COL21A1: variants seen among roughly 807,000 people sequenced by gnomAD.
The protein encoded by COL21A1 is collagen alpha-1(XXI) chain.
In COL21A1, 149 loss-of-function variants were observed where a neutral mutation model predicts 137.9. That is an observed-to-expected ratio of 1.08 (90% CI 0.95 to 1.24). The LOEUF is 1.24. COL21A1 is among the 50% of genes most tolerant of loss of function. COL21A1 has a pLI of 0.00. For missense variants in COL21A1, 1,167 were observed against 1,158.4 expected (o/e 1.01, Z -0.11); for synonymous variants, 456 against 391.5 (o/e 1.16, Z -1.95).
Position 56,184,398 on chromosome 6 carries a change from G to T in COL21A1, c.-38-1742C>A, listed in dbSNP as rs542404723. 3.3e-5 allele frequency among the ~76,000 whole-genome samples: 5 copies of T among 151,734 alleles called. No individual in the cohort carries two copies. In the South Asian group the frequency reaches 1.0e-3, roughly 32 times the overall value. ...AAGAGATAAAAATCCTAAATGTGTAGACATCTAATATTAAAGCTTCTAAAT... is the reference window on the plus strand; with the variant it reads ...AAGAGATAAAAATCCTAAATGTGTATACATCTAATATTAAAGCTTCTAAAT... On this transcript the variant is annotated intron_variant, in intron 1 of 29. Transcript: ENST00000244728.
At chr6:56,181,634 C>A (rs2152282308) in intron 2 of COL21A1, among the ~76,000 whole-genome samples, 1 of 152,190 alleles carries the variant, frequency 6.6e-6, no homozygotes, top group Admixed American at 6.5e-5. Flanking sequence ...ACAGCATGGG[C>A]ATACAAGCAA....
intron 1 of COL21A1, among the ~76,000 whole-genome samples, chr6:56,193,063 AG>A (rs1778798408): frequency 6.6e-6 from 1 of 152,182 alleles, no homozygotes; most frequent in Non-Finnish European, 1.5e-5. Context: ...AACTATTCCA[AG>A]AACAGAAAAT....
chr6:56,177,639 G>GA (rs1182177303), intron 3 of COL21A1, among the ~76,000 whole-genome samples: 1 of 151,570 alleles, frequency 6.6e-6, no homozygotes, highest in Non-Finnish European at 1.5e-5. Context: ...CTAAAAAATA[G>GA]AAAAAATTAG....
intron 1 of COL21A1, among the ~76,000 whole-genome samples, chr6:56,267,629 G>A (rs1292933289): frequency 4.6e-5 from 7 of 151,944 alleles, no homozygotes; most frequent in East Asian, 3.9e-4. Context: ...GGTGGCAGGC[G>A]CCTGTAATCC....
At chr6:56,058,268 A>T (rs1328238692) in intron 29 of COL21A1, among the ~76,000 whole-genome samples, 1 of 152,172 alleles carries the variant, frequency 6.6e-6, no homozygotes, top group East Asian at 1.9e-4. Context: ...TGTTTCTATT[A>T]TACATATTTT....
At chr6:56,092,640 CA>C (rs1484973572) in intron 17 of COL21A1, among the ~76,000 whole-genome samples, 3 of 151,928 alleles carry the variant, frequency 2.0e-5, no homozygotes, top group African/African-American at 7.3e-5. Context: ...TGCTGAAGCC[CA>C]AATATTTTTG....
intron 1 of COL21A1, among the ~76,000 whole-genome samples, chr6:56,336,363 G>A (rs535507931): frequency 3.9e-5 from 6 of 152,298 alleles, no homozygotes; most frequent in South Asian, 4.1e-4. Flanking sequence ...TAACTTAACC[G>A]AAGATATGGA....
At chr6:56,292,391 A>ACCCCCCCCCCCCCCC (rs35462264) in intron 1 of COL21A1, among the ~76,000 whole-genome samples, 1 of 125,234 alleles carries the variant, frequency 8.0e-6, no homozygotes, top group African/African-American at 2.9e-5. Context: ...CAAAACAGGG[A>ACCCCCCCCCCCCCCC]CCCCCCCCCT....
chr6:56,269,036 A>G (rs2152332045), intron 1 of COL21A1, among the ~76,000 whole-genome samples: 1 of 152,382 alleles, frequency 6.6e-6, no homozygotes, highest in East Asian at 1.9e-4. Context: ...CTCAAAGACC[A>G]GTTCTTCAAA....
Position 56,126,142 on chromosome 6 carries a change from C to T in COL21A1, c.1550G>A (p.Arg517His), listed in dbSNP as rs143185782. 1.5e-5 allele frequency: 23 copies of T among 1,544,970 alleles called. 1 individual carries two copies. Among genetic ancestry groups the T allele is most frequent in the Middle Eastern group, 1.7e-4 (1 of 5,978 alleles). ...AAGCCCAGGAAAACCAGGAAGTCCA[C>T]GATCACCCTGAAAATAAAACTGAAA... Reference protein sequence around the residue: ...EPGRDGDKGDRGLPGFPGLHG... With the variant: ...EPGRDGDKGDHGLPGFPGLHG... The change falls in exon 13 of 30, where the codon CGT becomes CAT. Residue 517 changes from arginine to histidine, a missense_variant. Coordinates refer to ENST00000244728, the MANE Select transcript of COL21A1 (RefSeq NM_030820.4).
intron 21 of COL21A1, among the ~76,000 whole-genome samples, chr6:56,070,266 A>G (rs1766627543): frequency 6.6e-6 from 1 of 151,548 alleles, no homozygotes; most frequent in South Asian, 2.1e-4. Context: ...CCTAGCCATC[A>G]AATCATTCTC....
intron 1 of COL21A1, among the ~76,000 whole-genome samples, chr6:56,340,630 C>G (rs375552666): frequency 2.4e-4 from 37 of 152,262 alleles, no homozygotes; most frequent in African/African-American, 8.9e-4. Flanking sequence ...TTCAGAGATT[C>G]TCTGTTGGCT....
chr6:56,339,580 G>T (rs1765421829), intron 1 of COL21A1, among the ~76,000 whole-genome samples: 1 of 152,042 alleles, frequency 6.6e-6, no homozygotes, highest in African/African-American at 2.4e-5. Flanking sequence ...CTCTGTTAGT[G>T]AAGGAAAAAC....
chr6:56,099,685 T>TAC (rs1022803707), intron 17 of COL21A1, among the ~76,000 whole-genome samples: 11 of 151,696 alleles, frequency 7.3e-5, no homozygotes, highest in African/African-American at 1.9e-4. Flanking sequence ...CACACCCACA[T>TAC]ACACACACAC....
At chr6:56,125,671 C>A in intron 13 of COL21A1, 51 bp from the exon 14 acceptor site, 2 of 1,193,708 alleles carry the variant, frequency 1.7e-6, no homozygotes, top group South Asian at 1.8e-5. Flanking sequence ...GAATATTTTT[C>A]TTATAAAGAA....
chr6:56,152,731 A>G (rs1375195150), intron 10 of COL21A1, among the ~76,000 whole-genome samples: 1 of 151,974 alleles, frequency 6.6e-6, no homozygotes, highest in African/African-American at 2.4e-5. Context: ...AGGCCTGCTC[A>G]GCACTCACTT....
chr6:56,346,051 C>A (rs192473366), intron 1 of COL21A1, among the ~76,000 whole-genome samples: 1 of 152,194 alleles, frequency 6.6e-6, no homozygotes, highest in Admixed American at 6.5e-5. Flanking sequence ...TACCTCCTAC[C>A]TTTTGTAGTA....
chr6:56,263,308 G>T (rs1317526180), intron 1 of COL21A1, among the ~76,000 whole-genome samples: 2 of 152,146 alleles, frequency 1.3e-5, no homozygotes, highest in South Asian at 2.1e-4. Context: ...CTCTGGAATG[G>T]TCTACATCAG....
rs534127677 is a variant in COL21A1 at position 56,393,117 on chromosome 6, T to C, written c.-39+854A>G. On this transcript the variant is annotated intron_variant, in intron 1 of 28. Coordinates refer to the COL21A1 transcript ENST00000370819. ...TTCACATTATACCACAGAGCTATAG[T>C]AACCAAAACAACATGGTATTGGCAA... 1.1e-4 allele frequency among the ~76,000 whole-genome samples: 16 copies of C among 149,070 alleles called. No homozygotes were observed. The South Asian group carries it at 1.7e-3, about 16-fold the overall frequency.
Sources: gnomAD v4.1 joint callset for allele counts (sites outside exome capture counted in the v4.1 genomes callset) on GRCh38, gnomAD v4.1.1 for gene constraint, MANE v1.5 for transcripts, NCBI Gene and HGNC (gene_info 2026-07-23, HGNC 2026-07-21) for gene names.